Variants in SHANK2 observed in about 807,000 individuals in gnomAD.
The protein encoded by SHANK2 is SH3 and multiple ankyrin repeat domains 2.
Under a neutral mutation model 133.7 loss-of-function variants are expected in SHANK2, and 43 were observed. The ratio of observed to expected loss-of-function variants is 0.32; its 90% CI spans 0.25 to 0.41. SHANK2 has a LOEUF of 0.41. Among genes scored for constraint, SHANK2 ranks in the 10% least tolerant of loss-of-function variants. The probability of loss-of-function intolerance (pLI) is 1.00; values close to 1 mark genes in which losing one functional copy is unlikely to be tolerated. For synonymous variants in SHANK2, 1,017 were observed against 952.8 expected (o/e 1.07, Z -1.24); for missense variants, 1,994 against 2,235.8 (o/e 0.89, Z 2.18).
At chr11:70,651,412 C>A (rs2061337512) in intron 17 of SHANK2, among the ~76,000 whole-genome samples, 3 of 152,168 alleles carry the variant, frequency 2.0e-5, no homozygotes, top group South Asian at 2.1e-4. Context: ...AAGAGAACGA[C>A]CTCCCCAGGC....
intron 10 of SHANK2, among the ~76,000 whole-genome samples, chr11:70,897,941 T>TACAC (rs142602596): frequency 0.01 from 1,537 of 149,266 alleles, 17 homozygotes; most frequent in African/African-American, 0.034. Context: ...AATATACATA[T>TACAC]ACACACACAC....
intron 9 of SHANK2, among the ~76,000 whole-genome samples, chr11:71,073,136 C>CTTTTCTTTT (rs1951164763): frequency 3.7e-4 from 27 of 72,394 alleles, no homozygotes; most frequent in Non-Finnish European, 6.9e-4. Context: ...TGTTTTTTTT[C>CTTTTCTTTT]TTTTTCTTTT....
chr11:70,670,384 G>T (rs1164392602), intron 15 of SHANK2, among the ~76,000 whole-genome samples: 1 of 152,232 alleles, frequency 6.6e-6, no homozygotes, highest in Non-Finnish European at 1.5e-5. Context: ...GCAGTTACGT[G>T]GGGGGTGTTG....
intron 9 of SHANK2, among the ~76,000 whole-genome samples, chr11:71,064,960 A>G (rs900529966): frequency 5.1e-4 from 78 of 152,286 alleles, no homozygotes; most frequent in African/African-American, 1.8e-3. Flanking sequence ...GAAGGCGCAC[A>G]AGGACACAGA....
intron 17 of SHANK2, among the ~76,000 whole-genome samples, chr11:70,639,607 C>T (rs557742372): frequency 1.3e-5 from 2 of 152,264 alleles, no homozygotes; most frequent in Non-Finnish European, 2.9e-5. Flanking sequence ...CCTGGTTTTT[C>T]TTTTTCTTTT....
At chr11:71,212,077 G>C (rs1282937739) in intron 2 of SHANK2, among the ~76,000 whole-genome samples, 1 of 152,322 alleles carries the variant, frequency 6.6e-6, no homozygotes, top group Admixed American at 6.5e-5. Context: ...CTTCCTAGAT[G>C]AGAGCACCAA....
chr11:70,592,250 G>C (rs1282840413), intron 17 of SHANK2, among the ~76,000 whole-genome samples: 1 of 152,076 alleles, frequency 6.6e-6, no homozygotes, highest in Admixed American at 6.5e-5. Flanking sequence ...GAAAGACAGA[G>C]GCAGCTGTCG....
chr11:70,912,730 C>T (rs776552505), intron 10 of SHANK2, among the ~76,000 whole-genome samples: 3 of 152,202 alleles, frequency 2.0e-5, no homozygotes, highest in Admixed American at 1.3e-4. Flanking sequence ...GCACTCACCC[C>T]CAGACTTCCT....
At chr11:70,861,018 C>G (rs190932041) in intron 11 of SHANK2, among the ~76,000 whole-genome samples, 1 of 152,208 alleles carries the variant, frequency 6.6e-6, no homozygotes, top group Admixed American at 6.5e-5. Flanking sequence ...GCTGGGCACA[C>G]GGGGAGCAGC....
chr11:70,656,150 T>C (rs886207503), intron 17 of SHANK2, among the ~76,000 whole-genome samples: 2 of 152,186 alleles, frequency 1.3e-5, no homozygotes, highest in Non-Finnish European at 2.9e-5. Context: ...CCCCATGTTG[T>C]GGGAGTGAAG....
intron 17 of SHANK2, among the ~76,000 whole-genome samples, chr11:70,622,864 C>T (rs1283191516): frequency 6.6e-6 from 1 of 152,184 alleles, no homozygotes; most frequent in Non-Finnish European, 1.5e-5. Context: ...AACCCTGTCA[C>T]CTGGGGAGTA....
chr11:70,670,106 G>A (rs1944766949), intron 15 of SHANK2, among the ~76,000 whole-genome samples: 1 of 152,218 alleles, frequency 6.6e-6, no homozygotes, highest in African/African-American at 2.4e-5. Context: ...CAGAGAGACT[G>A]GGTGGTGCGT....
At chr11:70,786,279 C>T (rs782426628) in intron 14 of SHANK2, among the ~76,000 whole-genome samples, 9 of 152,146 alleles carry the variant, frequency 5.9e-5, no homozygotes, top group Non-Finnish European at 1.3e-4. Context: ...GGGGGTAGGA[C>T]AGTCTATTAG....
chr11:70,951,116 G>T, intron 10 of SHANK2: 1 of 337,474 alleles, frequency 3.0e-6, no homozygotes, highest in Non-Finnish European at 5.5e-6. Context: ...GCTGCACCAT[G>T]ACGTCATAAA....
intron 17 of SHANK2, among the ~76,000 whole-genome samples, chr11:70,550,492 T>A (rs2059750797): frequency 6.6e-6 from 1 of 152,176 alleles, no homozygotes; most frequent in Non-Finnish European, 1.5e-5. Context: ...GGTCTTTCTA[T>A]TCAAGACTAA....
At chr11:70,866,658 T>C (rs1555069079) in intron 11 of SHANK2, among the ~76,000 whole-genome samples, 4 of 152,120 alleles carry the variant, frequency 2.6e-5, no homozygotes, top group African/African-American at 9.7e-5. Flanking sequence ...CCTATCTCAG[T>C]AGGAATGACT....
At chr11:71,167,550 C>T (rs1187674620) in intron 2 of SHANK2, among the ~76,000 whole-genome samples, 5 of 127,848 alleles carry the variant, frequency 3.9e-5, no homozygotes, top group East Asian at 2.3e-4. Flanking sequence ...GGCTGACCCC[C>T]CCACCTCCCT....
chr11:70,888,128 C>T (rs1340794346), intron 11 of SHANK2, among the ~76,000 whole-genome samples: 1 of 151,938 alleles, frequency 6.6e-6, no homozygotes, highest in African/African-American at 2.4e-5. Context: ...CACCACCCAC[C>T]CCCACCCAAG....
At chr11:70,753,180 AAAAAAAC>A (rs1489914502) in intron 14 of SHANK2, among the ~76,000 whole-genome samples, 11 of 151,904 alleles carry the variant, frequency 7.2e-5, no homozygotes, top group Admixed American at 1.3e-4. Flanking sequence ...TGTTAAAAAA[AAAAAAAC>A]AAAAAACAAA....
Sources: gnomAD v4.1 joint callset for allele counts (sites outside exome capture counted in the v4.1 genomes callset) on GRCh38, gnomAD v4.1.1 for gene constraint, MANE v1.5 for transcripts, NCBI Gene and HGNC (gene_info 2026-07-23, HGNC 2026-07-21) for gene names.